DSCAM: variants seen among roughly 807,000 people sequenced by gnomAD.
DSCAM encodes the protein DS cell adhesion molecule, also known as cell adhesion molecule DSCAM.
In DSCAM, 47 loss-of-function variants were observed where a neutral mutation model predicts 217.7. The ratio of observed to expected loss-of-function variants is 0.22; its 90% CI spans 0.17 to 0.28. The LOEUF (loss-of-function observed/expected upper bound fraction) is 0.28, where lower values mean the gene tolerates loss of function less well. Ranked by LOEUF, DSCAM falls within the 10% of genes least tolerant of loss-of-function variation. The probability of loss-of-function intolerance (pLI) is 1.00; values close to 1 mark genes in which losing one functional copy is unlikely to be tolerated. For synonymous variants in DSCAM, 1,056 were observed against 1,015.3 expected (o/e 1.04, Z -0.76); for missense variants, 2,080 against 2,618.3 (o/e 0.79, Z 4.49).
intron 1 of DSCAM, among the ~76,000 whole-genome samples, chr21:40,773,081 G>T (rs1225837365): frequency 1.3e-5 from 2 of 152,194 alleles, no homozygotes; most frequent in African/African-American, 4.8e-5. Flanking sequence ...ACAGAGGCCA[G>T]TCCCCAGCTG....
chr21:40,306,848 A>T (rs2074082796), intron 9 of DSCAM, among the ~76,000 whole-genome samples: 1 of 151,848 alleles, frequency 6.6e-6, no homozygotes, highest in South Asian at 2.1e-4. Flanking sequence ...GTTTGCCAGT[A>T]TTTTATTGAG....
chr21:40,173,336 C>T lies in DSCAM; in HGVS notation c.2947+5591G>A, dbSNP rs190343887. 1.9e-3 allele frequency among the ~76,000 whole-genome samples: 285 copies of T among 152,106 alleles called. 2 individuals are homozygous for T. The highest frequency in any genetic ancestry group is 6.5e-3 in the African/African-American group (271 of 41,494). On this transcript the variant is annotated intron_variant, in intron 15 of 32. Coordinates refer to ENST00000400454, the MANE Select transcript of DSCAM (RefSeq NM_001389.5). Reference sequence around the variant, plus strand: ...TATTTGAAAGTGGTAAGGGAAGAGACGAAGAACATTTCAGAACATTCCAGA... The same window carrying T: ...TATTTGAAAGTGGTAAGGGAAGAGATGAAGAACATTTCAGAACATTCCAGA...
chr21:40,660,932 T>C (rs894697472), intron 3 of DSCAM, among the ~76,000 whole-genome samples: 2 of 152,218 alleles, frequency 1.3e-5, no homozygotes, highest in African/African-American at 2.4e-5. Context: ...TGTTATCCTA[T>C]TAAGATCTGA....
chr21:40,193,427 A>G (rs1054514220), intron 11 of DSCAM, among the ~76,000 whole-genome samples: 2 of 152,204 alleles, frequency 1.3e-5, no homozygotes, highest in Non-Finnish European at 2.9e-5. Context: ...CAAAACTGTG[A>G]ATAAATAAAT....
chr21:40,615,662 C>T (rs1026931626), intron 3 of DSCAM, among the ~76,000 whole-genome samples: 2 of 152,012 alleles, frequency 1.3e-5, no homozygotes, highest in African/African-American at 4.8e-5. Context: ...CTAAGAAAAG[C>T]AGGGTACCTC....
chr21:40,342,433 C>A (rs1034790440), intron 6 of DSCAM, among the ~76,000 whole-genome samples: 3 of 151,520 alleles, frequency 2.0e-5, no homozygotes, highest in Admixed American at 1.3e-4. Context: ...AAGAATTATT[C>A]TGTTTTCTTT....
chr21:40,242,311 C>T (rs1238842964), intron 11 of DSCAM, among the ~76,000 whole-genome samples: 2 of 152,234 alleles, frequency 1.3e-5, no homozygotes, highest in Non-Finnish European at 2.9e-5. Flanking sequence ...TTCCGCTCAT[C>T]TACCTTCTGA....
At chr21:40,533,545 TCATCCATCCATTCATCCATCCATC>T (rs2076467625) in intron 3 of DSCAM, among the ~76,000 whole-genome samples, 2 of 67,404 alleles carry the variant, frequency 3.0e-5, no homozygotes, top group Non-Finnish European at 4.9e-5. Context: ...ATCCATCCAT[TCATCCATCCATTCATCCATCCATC>T]CATCCATCCA....
chr21:40,804,001 C>T (rs2091764745), intron 1 of DSCAM, among the ~76,000 whole-genome samples: 1 of 152,176 alleles, frequency 6.6e-6, no homozygotes, highest in African/African-American at 2.4e-5. Context: ...GTCTTCTCTT[C>T]TGCTTAATAA....
At chr21:40,654,854 G>A (rs889703494) in intron 3 of DSCAM, among the ~76,000 whole-genome samples, 1 of 152,042 alleles carries the variant, frequency 6.6e-6, no homozygotes, top group South Asian at 2.1e-4. Flanking sequence ...GCCATGTAAG[G>A]TGAAATATTC....
chr21:40,637,526 AATATATAC>A lies in DSCAM; in HGVS notation c.508+55276_508+55283del, dbSNP rs1249494091. 2.1e-4 allele frequency among the ~76,000 whole-genome samples: 20 copies of A among 93,864 alleles called. 3 individuals are homozygous for A. The highest frequency in any genetic ancestry group is 1.3e-4 in the African/African-American group (3 of 23,282). 61.6% of individuals were successfully genotyped at this position (93,864 alleles called of 152,430 possible). On this transcript the variant is annotated intron_variant, in intron 3 of 32. Transcript: ENST00000400454. Reference sequence around the variant, plus strand: ...ATATATAAATATATAAATATATATAAATATATACATATATACATATATATAAATATATA... The same window carrying A: ...ATATATAAATATATAAATATATATAAATATATACATATATATAAATATATA...
intron 3 of DSCAM, among the ~76,000 whole-genome samples, chr21:40,401,890 G>C (rs371932961): frequency 1.3e-5 from 2 of 151,942 alleles, no homozygotes; most frequent in Non-Finnish European, 1.5e-5. Flanking sequence ...TTCTCCAGAA[G>C]TCGGCCCAGC....
At chr21:40,086,772 T>C (rs902455693) in intron 22 of DSCAM, among the ~76,000 whole-genome samples, 1 of 152,210 alleles carries the variant, frequency 6.6e-6, no homozygotes, top group African/African-American at 2.4e-5. Context: ...TCAGGGTATT[T>C]GAGTTATGGT....
rs1408601922 is a variant in DSCAM, at chr21:40,155,339, AG to A, written c.3019-10609del. ...TAGAGGGTGCACTCTGATGCAAAAG[AG>A]GGGGTATGCTAGTCTGTGAGCCTGA... is the stretch of plus-strand genomic sequence containing the variant. On this transcript the variant is annotated intron_variant, in intron 16 of 32. Transcript: ENST00000400454. Among the ~76,000 whole-genome samples, 19 of 152,140 alleles carry A rather than the reference AG, an allele frequency of 1.2e-4. 1 individual carries two copies. The highest frequency in any genetic ancestry group is 2.5e-4 in the Non-Finnish European group (17 of 68,018).
chr21:40,401,708 T>C (rs1269446380), intron 3 of DSCAM, among the ~76,000 whole-genome samples: 3 of 152,056 alleles, frequency 2.0e-5, no homozygotes, highest in Non-Finnish European at 4.4e-5. Context: ...ACAAAGGATA[T>C]AAGGAGAGTA....
intron 3 of DSCAM, among the ~76,000 whole-genome samples, chr21:40,436,375 A>T (rs1439581949): frequency 3.9e-5 from 6 of 152,252 alleles, no homozygotes; most frequent in Non-Finnish European, 7.3e-5. Context: ...TTGCCCCATC[A>T]TAGTCCTCTG....
chr21:40,789,615 G>C (rs1321660842), intron 1 of DSCAM, among the ~76,000 whole-genome samples: 12 of 149,528 alleles, frequency 8.0e-5, no homozygotes, highest in African/African-American at 2.5e-4. Context: ...GAGTGCAGTG[G>C]CACCATGTTG....
At chr21:40,165,938 G>A (rs1290917186) in intron 16 of DSCAM, among the ~76,000 whole-genome samples, 1 of 151,882 alleles carries the variant, frequency 6.6e-6, no homozygotes, top group East Asian at 1.9e-4. Flanking sequence ...AAAGACCAAT[G>A]ACACCACCTC....
intron 3 of DSCAM, chr21:40,513,258 T>TGTCTCATG (rs1482547514): frequency 6.6e-6 from 1 of 152,066 alleles, no homozygotes; most frequent in African/African-American, 2.4e-5. Flanking sequence ...GCCTCATCTG[T>TGTCTCATG]AATATGAATG....
Sources: gnomAD v4.1 joint callset for allele counts (sites outside exome capture counted in the v4.1 genomes callset) on GRCh38, gnomAD v4.1.1 for gene constraint, MANE v1.5 for transcripts, NCBI Gene and HGNC (gene_info 2026-07-23, HGNC 2026-07-21) for gene names.